NLGN4X: variants seen among roughly 807,000 people sequenced by gnomAD.
NLGN4X encodes the protein neuroligin-4, X-linked.
NLGN4X carries 3 observed loss-of-function variants against 40.3 expected under a neutral mutation model. The observed-to-expected ratio is 0.07, with a 90% CI of 0.03 to 0.19. The LOEUF is 0.19. Among genes scored for constraint, NLGN4X ranks in the 10% least tolerant of loss-of-function variants. The probability of loss-of-function intolerance (pLI) is 1.00; values close to 1 mark genes in which losing one functional copy is unlikely to be tolerated. For synonymous variants in NLGN4X, 270 were observed against 306.8 expected, an observed-to-expected ratio of 0.88 and a Z score of 1.25; for missense variants, 382 against 708.3, an observed-to-expected ratio of 0.54 and a Z score of 5.23.
intron 3 of NLGN4X, among the ~76,000 whole-genome samples, chrX:5,940,118 A>G (rs1310794383): frequency 9.1e-6 from 1 of 110,281 alleles, no homozygotes. Context: ...TTTCTCATGC[A>G]TTTCTTATCC....
chrX:6,146,669 A>T (rs1002385457), intron 2 of NLGN4X, among the ~76,000 whole-genome samples: 1 of 101,373 alleles, frequency 9.9e-6, no homozygotes, highest in Non-Finnish European at 2.0e-5. Context: ...CTTTTTTAAT[A>T]TCTTCCTTTT....
intron 1 of NLGN4X, among the ~76,000 whole-genome samples, chrX:6,192,926 G>A (rs1644713600): frequency 9.0e-6 from 1 of 111,606 alleles, no homozygotes; most frequent in African/African-American, 3.3e-5. Context: ...ATGAATGACA[G>A]TGAGCCTCCC....
At chrX:5,962,161 T>C (rs1032767046) in intron 3 of NLGN4X, among the ~76,000 whole-genome samples, 1 of 112,456 alleles carries the variant, frequency 8.9e-6, no homozygotes, top group Non-Finnish European at 1.9e-5. Context: ...AGTAAAAAGA[T>C]ATAAACTATT....
At chrX:6,040,719 C>T (rs1412986668) in intron 2 of NLGN4X, among the ~76,000 whole-genome samples, 3 of 112,071 alleles carry the variant, frequency 2.7e-5, no homozygotes, top group African/African-American at 9.7e-5. Context: ...GATTCTGTTT[C>T]TGCCTACCTT....
intron 3 of NLGN4X, among the ~76,000 whole-genome samples, chrX:6,012,826 G>A (rs889193860): frequency 1.8e-5 from 2 of 111,268 alleles, no homozygotes; most frequent in African/African-American, 6.5e-5. Context: ...AACCACCCAG[G>A]GAAAGGCAGC....
At chrX:6,195,173 G>C in intron 1 of NLGN4X, among the ~76,000 whole-genome samples, 1 of 111,750 alleles carries the variant, frequency 8.9e-6, no homozygotes, top group Non-Finnish European at 1.9e-5. Flanking sequence ...TACATAGTGG[G>C]TCAGCATCTA....
intron 3 of NLGN4X, among the ~76,000 whole-genome samples, chrX:5,930,172 T>C (rs2033496889): frequency 8.9e-6 from 1 of 112,482 alleles, no homozygotes; most frequent in South Asian, 3.7e-4. Context: ...AGAATGCTCA[T>C]TAAGTAGGCT....
intron 3 of NLGN4X, among the ~76,000 whole-genome samples, chrX:6,011,293 G>C (rs1190916228): frequency 9.1e-6 from 1 of 109,641 alleles, no homozygotes; most frequent in Non-Finnish European, 1.9e-5. Flanking sequence ...ATTCATGCTG[G>C]CCAAAAGTAA....
intron 1 of NLGN4X, among the ~76,000 whole-genome samples, chrX:6,169,231 G>A (rs2040556491): frequency 8.9e-6 from 1 of 112,377 alleles, no homozygotes; most frequent in Admixed American, 9.4e-5. Context: ...GCATGGATTT[G>A]AGTTATCATC....
At chrX:5,961,130 G>A (rs1464741183) in intron 3 of NLGN4X, among the ~76,000 whole-genome samples, 1 of 111,205 alleles carries the variant, frequency 9.0e-6, no homozygotes, top group Non-Finnish European at 1.9e-5. Flanking sequence ...CCGGGTTCAC[G>A]CCATTCTCCT....
intron 3 of NLGN4X, among the ~76,000 whole-genome samples, chrX:5,967,358 T>C (rs983385829): frequency 8.9e-6 from 1 of 112,117 alleles, no homozygotes; most frequent in African/African-American, 3.2e-5. Context: ...GAATCAACCA[T>C]CTAGGAACTA....
intron 3 of NLGN4X, among the ~76,000 whole-genome samples, chrX:6,024,204 T>C (rs1303813263): frequency 9.0e-6 from 1 of 111,491 alleles, no homozygotes; most frequent in Admixed American, 9.5e-5. Flanking sequence ...ATGATACGTA[T>C]GGATGTTGTG....
chrX:6,063,137 T>A (rs1300621497), intron 2 of NLGN4X, among the ~76,000 whole-genome samples: 1 of 111,640 alleles, frequency 9.0e-6, no homozygotes, highest in Non-Finnish European at 1.9e-5. Context: ...ATTCCACTTA[T>A]CCTCTTCTAG....
intron 3 of NLGN4X, among the ~76,000 whole-genome samples, chrX:5,950,784 A>C (rs896817969): frequency 1.8e-5 from 2 of 111,934 alleles, no homozygotes; most frequent in African/African-American, 6.5e-5. Flanking sequence ...TCCTTGCCTC[A>C]CTGTGACCTT....
chrX:6,082,790 G>C (rs1199695496), intron 2 of NLGN4X, among the ~76,000 whole-genome samples: 1 of 108,762 alleles, frequency 9.2e-6, no homozygotes, highest in African/African-American at 3.4e-5. Context: ...GGAACTGTGA[G>C]CTGTTTGTTC....
intron 3 of NLGN4X, among the ~76,000 whole-genome samples, chrX:5,936,062 C>G (rs1377789796): frequency 8.9e-6 from 1 of 111,944 alleles, no homozygotes; most frequent in Non-Finnish European, 1.9e-5. Context: ...TTAATTTGTG[C>G]ACAGAAGGAT....
intron 1 of NLGN4X, among the ~76,000 whole-genome samples, chrX:6,200,856 TTTATTA>T (rs796646161): frequency 2.8e-5 from 3 of 107,780 alleles, no homozygotes; most frequent in Admixed American, 1.0e-4. Context: ...CTGCCTAATT[TTTATTA>T]TTATTATTAT....
intron 3 of NLGN4X, among the ~76,000 whole-genome samples, chrX:6,028,694 T>C (rs1490508178): frequency 9.3e-6 from 1 of 107,980 alleles, no homozygotes; most frequent in African/African-American, 3.4e-5. Context: ...AGAAAAGAAA[T>C]GAAACATCAA....
intron 3 of NLGN4X, among the ~76,000 whole-genome samples, chrX:5,940,478 T>C (rs2033886124): frequency 9.0e-6 from 1 of 110,723 alleles, no homozygotes; most frequent in Non-Finnish European, 1.9e-5. Context: ...ACCTAATAGC[T>C]ACTGTGCTGC....
Sources: allele counts gnomAD v4.1 joint callset (sites outside exome capture counted in the v4.1 genomes callset), GRCh38; gene constraint gnomAD v4.1.1; transcripts MANE v1.5; gene names NCBI Gene and HGNC (gene_info 2026-07-23, HGNC 2026-07-21).